Variants in ACVR1C observed in about 807,000 individuals in gnomAD.
ACVR1C encodes activin receptor type-1C.
A neutral mutation model predicts 57.9 loss-of-function variants in ACVR1C; 23 were observed. That is an observed-to-expected ratio of 0.40 (90% CI 0.29 to 0.56). The LOEUF (loss-of-function observed/expected upper bound fraction) is 0.56, where lower values mean the gene tolerates loss of function less well. ACVR1C is among the 20% of genes least tolerant of loss of function. The pLI, the probability that ACVR1C is intolerant of heterozygous loss-of-function variation, is 0.50. For missense variants in ACVR1C, 480 were observed against 607.9 expected, an observed-to-expected ratio of 0.79 and a Z score of 2.21; for synonymous variants, 214 against 215.3, an observed-to-expected ratio of 0.99 and a Z score of 0.05.
At chr2:157,545,844 G>A (rs909964029) in intron 4 of ACVR1C, among the ~76,000 whole-genome samples, 5 of 151,878 alleles carry the variant, frequency 3.3e-5, no homozygotes, top group Admixed American at 2.0e-4. Context: ...TCGCAATCTC[G>A]GCTCACTGCA....
Position 157,531,606 on chromosome 2 carries a change from A to T in ACVR1C, c.*2312T>A, listed in dbSNP as rs1217389757. On this transcript the variant is annotated 3_prime_UTR_variant, in exon 9 of 9. Coordinates refer to ENST00000243349, the MANE Select transcript of ACVR1C (RefSeq NM_145259.3). Reference sequence around the variant, plus strand: ...ATTCTTGTTTATTTGAGGCACGTACAACCATAGTAAATAAATAATTTCGTT... The same window carrying T: ...ATTCTTGTTTATTTGAGGCACGTACTACCATAGTAAATAAATAATTTCGTT... 1 of 152,114 alleles carries T rather than the reference A, an allele frequency of 6.6e-6. No individual in the cohort carries two copies. The highest frequency in any genetic ancestry group is 1.5e-5 in the Non-Finnish European group (1 of 67,972). The allele number at this position is 152,114 out of a possible 1,614,324, so 9.4% of individuals were successfully genotyped here.
At chr2:157,599,314 CAAAAAAAAAAAAAAAAAAAAAAAAA>C (rs60182304) in intron 1 of ACVR1C, among the ~76,000 whole-genome samples, 588 of 40,616 alleles carry the variant, frequency 0.014, 16 homozygotes, top group African/African-American at 0.058. Flanking sequence ...AGCCTGGGCT[CAAAAAAAAAAAAAAAAAAAAAAAAA>C]AAAAAAAAAA....
chr2:157,617,751 A>G (rs537236166), intron 1 of ACVR1C, among the ~76,000 whole-genome samples: 2 of 152,156 alleles, frequency 1.3e-5, no homozygotes, highest in Non-Finnish European at 2.9e-5. Context: ...GATAACATAT[A>G]TTAATGGATA....
At chr2:157,543,054 G>A (rs552871130) in intron 5 of ACVR1C, among the ~76,000 whole-genome samples, 192 bp from the exon 6 acceptor site, 41 of 152,200 alleles carry the variant, frequency 2.7e-4, no homozygotes, top group Non-Finnish European at 4.6e-4. Flanking sequence ...AACTGTAAAC[G>A]AATAAGGACA....
At chr2:157,554,159 G>T (rs1687992970) in intron 3 of ACVR1C, among the ~76,000 whole-genome samples, 1 of 138,560 alleles carries the variant, frequency 7.2e-6, no homozygotes, top group Non-Finnish European at 1.5e-5. Context: ...CTCCAGCCTA[G>T]GTAACAGGGT....
At chr2:157,547,565 C>T (rs1687795148) in intron 4 of ACVR1C, among the ~76,000 whole-genome samples, 3 of 144,308 alleles carry the variant, frequency 2.1e-5, no homozygotes, top group African/African-American at 2.6e-5. Flanking sequence ...TCTCTGATGG[C>T]CAGTGACGGT....
chr2:157,533,796 C>T lies in ACVR1C; in HGVS notation c.*122G>A. The T allele has an allele frequency of 2.9e-6, 3 of 1,018,344 alleles. No homozygotes were observed. Among genetic ancestry groups the T allele is most frequent in the Non-Finnish European group, 3.9e-6 (3 of 762,096 alleles). 63.1% of individuals were successfully genotyped at this position (1,018,344 alleles called of 1,614,324 possible). ...ATCTTTTCATGCTGCCTTATGGGCA[C>T]TTAAATACTGTACTGTCTTATCTTT... On this transcript the variant is annotated 3_prime_UTR_variant, in exon 9 of 9. Coordinates refer to ENST00000243349, the MANE Select transcript of ACVR1C (RefSeq NM_145259.3).
At chr2:157,615,971 T>C (rs1218411183) in intron 1 of ACVR1C, among the ~76,000 whole-genome samples, 1 of 152,174 alleles carries the variant, frequency 6.6e-6, no homozygotes, top group African/African-American at 2.4e-5. Flanking sequence ...ATGATGGATA[T>C]GGTCTATTGG....
At chr2:157,543,595 C>T (rs547965519) in intron 5 of ACVR1C, among the ~76,000 whole-genome samples, 5 of 152,094 alleles carry the variant, frequency 3.3e-5, no homozygotes, top group South Asian at 4.1e-4. Context: ...AAGCTACATA[C>T]ACAAAAACCT....
intron 2 of ACVR1C, among the ~76,000 whole-genome samples, chr2:157,585,817 A>C (rs1688908900): frequency 6.6e-6 from 1 of 152,212 alleles, no homozygotes. Flanking sequence ...TAGAGAGAAT[A>C]AGTGTGGTCT....
At chr2:157,597,402 C>G (rs980471796) in intron 1 of ACVR1C, 1 of 985,362 alleles carries the variant, frequency 1.0e-6, no homozygotes, top group African/African-American at 1.7e-5. Flanking sequence ...CCCAGAGCAG[C>G]GGCCAGGAGC....
At chr2:157,620,581 T>C (rs964304772) in intron 1 of ACVR1C, among the ~76,000 whole-genome samples, 1 of 152,122 alleles carries the variant, frequency 6.6e-6, no homozygotes, top group East Asian at 1.9e-4. Context: ...TACGTATGCA[T>C]TAAAAAAAAT....
intron 1 of ACVR1C, among the ~76,000 whole-genome samples, chr2:157,600,710 A>G (rs1682259670): frequency 6.6e-6 from 1 of 152,226 alleles, no homozygotes; most frequent in South Asian, 2.1e-4. Flanking sequence ...GATCTAGCTA[A>G]AAATAGAGTG....
chr2:157,613,583 G>A (rs576341219), intron 1 of ACVR1C, among the ~76,000 whole-genome samples: 3 of 152,026 alleles, frequency 2.0e-5, no homozygotes, highest in African/African-American at 4.8e-5. Context: ...TGTTTTATAG[G>A]TGAGTGTTGT....
chr2:157,542,619 A>C (rs913099973), intron 6 of ACVR1C, 87 bp downstream of exon 6: 1 of 1,436,724 alleles, frequency 7.0e-7, no homozygotes, highest in Non-Finnish European at 9.3e-7. Flanking sequence ...TCCTATTTGG[A>C]CCTGAGCCTC....
chr2:157,576,639 C>T (rs1254282550), intron 2 of ACVR1C, among the ~76,000 whole-genome samples: 2 of 152,152 alleles, frequency 1.3e-5, no homozygotes, highest in Non-Finnish European at 2.9e-5. Flanking sequence ...AGTTAGGATG[C>T]TTGCACATAT....
At chr2:157,549,724 G>A (rs780248569) in intron 4 of ACVR1C, among the ~76,000 whole-genome samples, 62 of 150,938 alleles carry the variant, frequency 4.1e-4, no homozygotes, top group Admixed American at 9.3e-4. Flanking sequence ...GGTGGCTCAC[G>A]CCTGTAATCC....
chr2:157,582,201 T>A (rs560214346), intron 2 of ACVR1C, among the ~76,000 whole-genome samples: 17 of 152,304 alleles, frequency 1.1e-4, no homozygotes, highest in African/African-American at 4.1e-4. Context: ...GGCATGTGCC[T>A]GTAGTCCCAC....
rs973454169 is a variant in ACVR1C, at chr2:157,532,649, G to A, written c.*1269C>T. Reference sequence around the variant, plus strand: ...AAATATTCATTACTCTGTGTCCACAGAAAGTAGAATGAAGGCAAAACTATC... The same window carrying A: ...AAATATTCATTACTCTGTGTCCACAAAAAGTAGAATGAAGGCAAAACTATC... On this transcript the variant is annotated 3_prime_UTR_variant, in exon 9 of 9. Transcript: ENST00000243349. The A allele has an allele frequency of 6.6e-6, 1 of 152,106 alleles. No homozygotes were observed. The highest frequency in any genetic ancestry group is 2.4e-5 in the African/African-American group (1 of 41,410). The allele number at this position is 152,106 out of a possible 1,614,324, so 9.4% of individuals were successfully genotyped here. A position where few individuals can be genotyped will look rare whatever the true frequency, so the allele number is the denominator to read the frequency against.
Sources: allele counts gnomAD v4.1 joint callset (sites outside exome capture counted in the v4.1 genomes callset), GRCh38; gene constraint gnomAD v4.1.1; transcripts MANE v1.5; gene names NCBI Gene and HGNC (gene_info 2026-07-23, HGNC 2026-07-21).